Variants in PLCL2 observed in about 807,000 individuals in gnomAD.
The protein encoded by PLCL2 is phospholipase C like 2.
Under a neutral mutation model 79.6 loss-of-function variants are expected in PLCL2, and 4 were observed. The observed-to-expected ratio is 0.05, with a 90% confidence interval of 0.02 to 0.11. The LOEUF is 0.11. Among genes scored for constraint, PLCL2 ranks in the 10% least tolerant of loss-of-function variants. The pLI is 1.00. For synonymous variants in PLCL2, 484 were observed against 457.7 expected (o/e 1.06, Z -0.73); for missense variants, 895 against 1,291.0 (o/e 0.69, Z 4.70).
At chr3:16,899,614 A>G (rs945561070) in intron 1 of PLCL2, among the ~76,000 whole-genome samples, 1 of 152,114 alleles carries the variant, frequency 6.6e-6, no homozygotes, top group Non-Finnish European at 1.5e-5. Flanking sequence ...AAAGTGCGTG[A>G]AATCTTGTCT....
chr3:17,005,104 G>A (rs1453867025), intron 1 of PLCL2, among the ~76,000 whole-genome samples: 1 of 152,014 alleles, frequency 6.6e-6, no homozygotes, highest in Non-Finnish European at 1.5e-5. Context: ...GATGTTTTTT[G>A]AGGAATAATC....
intron 1 of PLCL2, among the ~76,000 whole-genome samples, chr3:16,947,232 G>A (rs544975416): frequency 6.4e-4 from 97 of 152,090 alleles, no homozygotes; most frequent in Middle Eastern, 3.4e-3. Context: ...TTATAGGCGC[G>A]AGCCACCGCA....
At chr3:17,019,014 AATAG>A (rs1309040631) in intron 3 of PLCL2, among the ~76,000 whole-genome samples, 1 of 152,214 alleles carries the variant, frequency 6.6e-6, no homozygotes, top group Non-Finnish European at 1.5e-5. Context: ...GATGATAGAC[AATAG>A]ATAGTAAATA....
intron 1 of PLCL2, among the ~76,000 whole-genome samples, chr3:16,962,897 T>C (rs1232384340): frequency 6.6e-6 from 1 of 152,142 alleles, no homozygotes; most frequent in Non-Finnish European, 1.5e-5. Context: ...TACACACATA[T>C]GAATACATAA....
At chr3:17,069,970 G>T (rs550381251) in intron 5 of PLCL2, among the ~76,000 whole-genome samples, 7 of 152,282 alleles carry the variant, frequency 4.6e-5, no homozygotes, top group East Asian at 3.9e-4. Context: ...GGTCAGAGGT[G>T]GGGGGTACAC....
intron 3 of PLCL2, among the ~76,000 whole-genome samples, chr3:17,028,271 T>C (rs1237798548): frequency 6.6e-6 from 1 of 152,108 alleles, no homozygotes. Context: ...AAATCCAGGC[T>C]GTGCTAACCA....
intron 1 of PLCL2, among the ~76,000 whole-genome samples, chr3:17,003,303 G>A (rs540715309): frequency 1.7e-4 from 26 of 152,272 alleles, no homozygotes; most frequent in Admixed American, 5.2e-4. Context: ...GTCAGTAATT[G>A]AGCCAGGTTT....
Position 17,089,945 on chromosome 3 carries a change from A to G in PLCL2, c.*33A>G. 1.2e-6 allele frequency: 2 copies of G among 1,600,172 alleles called. No individual in the cohort carries two copies. The highest frequency in any genetic ancestry group is 1.7e-6 in the Non-Finnish European group (2 of 1,173,316). ...TACAATAAACCATTATGGAGTTTAT[A>G]ACTCTAGGACCAATTGTAGTCAGAT... On this transcript the variant is annotated 3_prime_UTR_variant, in exon 6 of 6. Transcript: ENST00000615277.
chr3:17,026,405 A>G (rs1339941442), intron 3 of PLCL2, among the ~76,000 whole-genome samples: 1 of 152,198 alleles, frequency 6.6e-6, no homozygotes, highest in Non-Finnish European at 1.5e-5. Context: ...GGATTTTTAT[A>G]TGGAGATTTT....
chr3:16,888,185 G>A (rs932017074), intron 1 of PLCL2, among the ~76,000 whole-genome samples: 2 of 152,174 alleles, frequency 1.3e-5, no homozygotes, highest in Admixed American at 1.3e-4. Context: ...TTGCTAAAGT[G>A]CAGGGCATAT....
chr3:17,053,955 G>A (rs2064868727), intron 4 of PLCL2, among the ~76,000 whole-genome samples: 1 of 152,266 alleles, frequency 6.6e-6, no homozygotes, highest in South Asian at 2.1e-4. Context: ...CAGCCTGCTT[G>A]AATTCCTCCT....
intron 5 of PLCL2, among the ~76,000 whole-genome samples, chr3:17,077,272 A>G (rs2065117612): frequency 6.6e-6 from 1 of 152,064 alleles, no homozygotes; most frequent in African/African-American, 2.4e-5. Flanking sequence ...CACACTTCCA[A>G]CTTTTCCTGT....
intron 1 of PLCL2, among the ~76,000 whole-genome samples, chr3:16,999,779 T>G (rs1050678104): frequency 1.3e-5 from 2 of 152,098 alleles, no homozygotes; most frequent in Non-Finnish European, 2.9e-5. Flanking sequence ...TGCTTGATTT[T>G]GCTGTTTTTA....
chr3:17,019,633 C>T (rs2064426040), intron 3 of PLCL2, among the ~76,000 whole-genome samples: 3 of 151,950 alleles, frequency 2.0e-5, no homozygotes, highest in Middle Eastern at 6.8e-3. Flanking sequence ...TTCTTGTGCC[C>T]CATAAAGATA....
At chr3:17,059,807 T>C (rs1403785933) in intron 4 of PLCL2, among the ~76,000 whole-genome samples, 1 of 152,142 alleles carries the variant, frequency 6.6e-6, no homozygotes, top group Non-Finnish European at 1.5e-5. Context: ...GTTTATACTT[T>C]TAAAATTGTG....
At chr3:16,943,557 TAAAAG>T (rs1402411335) in intron 1 of PLCL2, among the ~76,000 whole-genome samples, 2 of 152,256 alleles carry the variant, frequency 1.3e-5, no homozygotes, top group African/African-American at 4.8e-5. Context: ...GAAAGGCTTA[TAAAAG>T]AAAGTGAAAA....
intron 4 of PLCL2, among the ~76,000 whole-genome samples, chr3:17,065,088 C>A (rs373770892): frequency 1.3e-5 from 2 of 152,050 alleles, no homozygotes; most frequent in African/African-American, 4.8e-5. Context: ...CAATTTGTCA[C>A]CTTTTTGCCT....
Position 17,012,056 on chromosome 3 carries a change from G to A in PLCL2, c.2710G>A (p.Glu904Lys), listed in dbSNP as rs2064331665. 6.2e-7 allele frequency: 1 copy of A among 1,614,056 alleles called. No homozygotes were observed. The highest frequency in any genetic ancestry group is 8.5e-7 in the Non-Finnish European group (1 of 1,180,020). ...TGTGAGAAAAGGGAAGAAATCCAGG[G>A]AATATGCATCTTTGAGAACACTGTG... ...LSVRKGKKSREYASLRTLWIK... is the reference protein window; with the variant it reads ...LSVRKGKKSRKYASLRTLWIK... Residue 904 changes from glutamate (E) to lysine (K), a missense_variant, in exon 2 of 6, where the codon GAA becomes AAA. By Grantham distance (56) the Glu-to-Lys change is moderately conservative (BLOSUM62 1). Around this residue, in one of 6 missense-constraint regions of PLCL2, gnomAD observed 298 missense variants for 459.6 expected, o/e 0.65. Transcript: ENST00000615277.
intron 4 of PLCL2, among the ~76,000 whole-genome samples, chr3:17,044,583 T>C (rs942566292): frequency 6.6e-6 from 1 of 152,238 alleles, no homozygotes; most frequent in African/African-American, 2.4e-5. Flanking sequence ...AGATTATATA[T>C]CAAGCTGCTC....
Sources: allele counts gnomAD v4.1 joint callset (sites outside exome capture counted in the v4.1 genomes callset), GRCh38; gene constraint gnomAD v4.1.1; regional missense constraint gnomAD v4.1.1; transcripts MANE v1.5; gene names NCBI Gene and HGNC (gene_info 2026-07-23, HGNC 2026-07-21).